Variants in VPS13C observed in about 807,000 individuals in gnomAD.
VPS13C encodes intermembrane lipid transfer protein VPS13C.
VPS13C carries 358 observed loss-of-function variants against 456.8 expected under a neutral mutation model. That is an observed-to-expected ratio of 0.78 (90% CI 0.72 to 0.86). VPS13C has a LOEUF of 0.86. Ranked by LOEUF, VPS13C falls within the 40% of genes least tolerant of loss-of-function variation. The probability of loss-of-function intolerance (pLI) is 0.00; values close to 1 mark genes in which losing one functional copy is unlikely to be tolerated. For synonymous variants in VPS13C, 1,578 were observed against 1,486.7 expected (o/e 1.06, Z -1.41); for missense variants, 4,818 against 4,385.4 (o/e 1.10, Z -2.79).
intron 20 of VPS13C, among the ~76,000 whole-genome samples, chr15:61,983,401 C>T (rs1206135324): frequency 6.6e-6 from 1 of 152,138 alleles, no homozygotes; most frequent in Non-Finnish European, 1.5e-5. Context: ...AACATCAATG[C>T]TTTTTTCCCT....
rs1472369797 is a variant in VPS13C, at chr15:61,919,447, G to A, written c.7480C>T (p.Pro2494Ser). The A allele has an allele frequency of 3.9e-6, 6 of 1,540,636 alleles. No individual in the cohort carries two copies. In the South Asian group the frequency reaches 7.7e-5, roughly 20 times the overall value. The change falls in exon 58 of 85, where the codon CCT (proline) becomes TCT (serine). Residue 2494 changes from proline to serine, a missense_variant and splice_region_variant. This residue lies in a region of VPS13C where 4,552 missense variants were observed against 4,130.6 expected (regional missense o/e 1.10). Transcript: ENST00000644861. Reference sequence around the variant, plus strand: ...TTTGCAACTTCTGTATATCCATGAGGTACTAAGGCAGTGCATAAGTGAAAA... The same window carrying A: ...TTTGCAACTTCTGTATATCCATGAGATACTAAGGCAGTGCATAAGTGAAAA... Reference protein sequence around the residue: ...ESSFFTLTIVPHGYTEVANIP... With the variant: ...ESSFFTLTIVSHGYTEVANIP...
In VPS13C at chr15:61,969,913, G is replaced by A. The variant is rs551524773; in HGVS notation, c.2758-461C>T. 1.8e-4 allele frequency among the ~76,000 whole-genome samples: 28 copies of A among 151,868 alleles called. No individual in the cohort carries two copies. In the South Asian group the frequency reaches 5.8e-3, roughly 32 times the overall value. On this transcript the variant is annotated intron_variant, in intron 27 of 84. Transcript: ENST00000644861. ...TAAAACGTGGTAATTTTTAAAAGAT[G>A]TAAGTGCTTTTGATATTCTAATCAA...
intron 64 of VPS13C, 146 bp from the exon 65 acceptor site, chr15:61,909,271 C>T: frequency 1.0e-6 from 1 of 959,946 alleles, no homozygotes; most frequent in Non-Finnish European, 1.5e-6. Context: ...ACAGTGGCGC[C>T]ATCTCGGGTT....
At chr15:61,954,174 G>C (rs1270800277) in intron 38 of VPS13C, among the ~76,000 whole-genome samples, 1 of 152,074 alleles carries the variant, frequency 6.6e-6, no homozygotes, top group African/African-American at 2.4e-5. Flanking sequence ...TCCAAAGCAA[G>C]TGACATTCCA....
chr15:61,913,506 C>A, intron 61 of VPS13C, 91 bp from the exon 62 acceptor site: 1 of 1,105,208 alleles, frequency 9.0e-7, no homozygotes, highest in East Asian at 2.5e-5. Context: ...CTAGAAATTT[C>A]TTTAGTACCG....
intron 52 of VPS13C, 48 bp from the exon 53 acceptor site, chr15:61,925,596 C>T (rs769744706): frequency 2.4e-5 from 30 of 1,258,876 alleles, no homozygotes; most frequent in Non-Finnish European, 3.1e-5. Flanking sequence ...CCATTATATA[C>T]ATAACACACA....
chr15:62,013,002 A>T, intron 11 of VPS13C, 37 bp downstream of exon 11: 1 of 1,516,022 alleles, frequency 6.6e-7, no homozygotes, highest in Non-Finnish European at 9.1e-7. Flanking sequence ...TAGGGATGGG[A>T]GTGAAGTTAG....
intron 49 of VPS13C, among the ~76,000 whole-genome samples, chr15:61,931,832 G>A (rs972452367): frequency 1.8e-4 from 27 of 151,482 alleles, no homozygotes; most frequent in Non-Finnish European, 3.5e-4. Context: ...CGCCCACCTC[G>A]GCCTCCCAAA....
intron 2 of VPS13C, 116 bp downstream of exon 2, chr15:62,044,096 C>T: frequency 1.5e-6 from 1 of 654,208 alleles, no homozygotes; most frequent in Non-Finnish European, 2.5e-6. Context: ...AACAAGTAAT[C>T]CCTTGAGTGA....
intron 15 of VPS13C, among the ~76,000 whole-genome samples, chr15:62,005,827 C>T (rs1263274573): frequency 2.0e-5 from 3 of 151,910 alleles, no homozygotes; most frequent in Admixed American, 1.3e-4. Flanking sequence ...CTCAGCCTCC[C>T]GAGTAACTGG....
rs552134722 is a variant in VPS13C, at chr15:61,922,031, C to T, written c.6978G>A (p.Val2326=). 8.3e-5 allele frequency: 134 copies of T among 1,613,322 alleles called. 2 individuals carry two copies. In the South Asian group the frequency reaches 1.4e-3, roughly 17 times the overall value. The part of the protein sequence containing the change: ...MAAVADVTLQ[V]HYYNEIHAVW... ...CAGCATGGATCTCATTGTAATAGTG[C>T]ACCTGGAAAGATACACACAAAATTA... is the stretch of plus-strand genomic sequence containing the variant. Residue 2326 remains valine (V), a splice_region_variant and synonymous_variant, in exon 55 of 85, where the codon GTG becomes GTA. Transcript: ENST00000644861.
In VPS13C at chr15:61,927,090, C is replaced by T. The variant is rs2043874676; in HGVS notation, c.6516+1G>A. On this transcript the variant is annotated splice_donor_variant, in intron 52 of 84. Transcript: ENST00000644861. LOFTEE classifies it high-confidence loss of function. The stretch of plus-strand genomic sequence containing the variant: ...AGATTAGGACACAAGGTAATTCTTA[C>T]TGTGGTAATGTTTTTCCCTCTCTTT... The T allele has an allele frequency of 1.2e-6, 2 of 1,613,328 alleles. No individual in the cohort carries two copies. The highest frequency in any genetic ancestry group is 8.5e-7 in the Non-Finnish European group (1 of 1,179,392).
chr15:61,935,900 G>C (rs1227432634), intron 48 of VPS13C, among the ~76,000 whole-genome samples: 3 of 152,110 alleles, frequency 2.0e-5, no homozygotes, highest in Non-Finnish European at 2.9e-5. Context: ...CAGCAGCCAG[G>C]ACCATTTACT....
chr15:62,048,929 T>C (rs1389686705), intron 1 of VPS13C, among the ~76,000 whole-genome samples: 5 of 147,242 alleles, frequency 3.4e-5, no homozygotes, highest in African/African-American at 5.0e-5. Context: ...TCATATCCTT[T>C]GCCCACTTTT....
At chr15:61,875,354 G>A (rs1380349790) in intron 76 of VPS13C, among the ~76,000 whole-genome samples, 5 of 151,904 alleles carry the variant, frequency 3.3e-5, no homozygotes, top group African/African-American at 9.7e-5. Context: ...CATACACTGG[G>A]CTGGCTGCTA....
intron 65 of VPS13C, among the ~76,000 whole-genome samples, chr15:61,908,402 C>T (rs2043208013): frequency 6.6e-6 from 1 of 151,396 alleles, no homozygotes; most frequent in Non-Finnish European, 1.5e-5. Context: ...TTATACGATA[C>T]TTTAAGGGCT....
At position 62,010,642 on chromosome 15, in the gene VPS13C, T is replaced by C. The variant is rs747628118; in HGVS notation, c.884-43A>G. On this transcript the variant is annotated intron_variant, in intron 12 of 84. Transcript: ENST00000644861. Reference sequence around the variant, plus strand: ...GACATAAGATATGTTCATATGCTTTTACATATAAACAAGTGTAAATAATTA... The same window carrying C: ...GACATAAGATATGTTCATATGCTTTCACATATAAACAAGTGTAAATAATTA... 31 of 1,523,116 alleles carry C rather than the reference T, an allele frequency of 2.0e-5. No homozygotes were observed. In the East Asian group the frequency reaches 6.9e-4, roughly 34 times the overall value. The allele number at this position is 1,523,116 out of a possible 1,614,324, so 94.4% of individuals were successfully genotyped here.
intron 66 of VPS13C, among the ~76,000 whole-genome samples, chr15:61,901,568 T>A (rs1455614575): frequency 1.3e-5 from 2 of 152,136 alleles, no homozygotes; most frequent in Non-Finnish European, 2.9e-5. Flanking sequence ...TGAGATACCA[T>A]CTCACACCAG....
intron 5 of VPS13C, among the ~76,000 whole-genome samples, chr15:62,029,681 G>A (rs959498142): frequency 1.3e-5 from 2 of 151,944 alleles, no homozygotes; most frequent in African/African-American, 4.8e-5. Context: ...TCTTTGACAG[G>A]AGGGTCCAAG....
Sources: allele counts gnomAD v4.1 joint callset (sites outside exome capture counted in the v4.1 genomes callset), GRCh38; gene constraint gnomAD v4.1.1; regional missense constraint gnomAD v4.1.1; transcripts MANE v1.5; gene names NCBI Gene and HGNC (gene_info 2026-07-23, HGNC 2026-07-21).